SYT1: variants seen among roughly 807,000 people sequenced by gnomAD.
SYT1 encodes synaptotagmin-1.
In SYT1, 8 loss-of-function variants were observed where a neutral mutation model predicts 44.8. The ratio of observed to expected loss-of-function variants is 0.18; its 90% CI spans 0.10 to 0.32. SYT1 has a LOEUF of 0.32. Among genes scored for constraint, SYT1 ranks in the 10% least tolerant of loss-of-function variants. The probability of loss-of-function intolerance (pLI) is 1.00; values close to 1 mark genes in which losing one functional copy is unlikely to be tolerated. For missense variants in SYT1, 286 were observed against 509.3 expected (o/e 0.56, Z 4.22); for synonymous variants, 154 against 188.8 (o/e 0.82, Z 1.51).
chr12:78,951,487 T>C (rs1279026976), intron 1 of SYT1, among the ~76,000 whole-genome samples: 5 of 152,120 alleles, frequency 3.3e-5, no homozygotes, highest in Non-Finnish European at 7.4e-5. Flanking sequence ...TTTTGAGTTA[T>C]AATACAGAAG....
intron 8 of SYT1, among the ~76,000 whole-genome samples, chr12:79,309,881 A>C (rs1880680409): frequency 6.6e-6 from 1 of 151,936 alleles, no homozygotes; most frequent in Non-Finnish European, 1.5e-5. Flanking sequence ...TTTTCTTGTA[A>C]ATTTGTTTGA....
intron 9 of SYT1, among the ~76,000 whole-genome samples, chr12:79,405,938 G>C (rs1428855096): frequency 2.0e-5 from 3 of 152,052 alleles, no homozygotes; most frequent in African/African-American, 7.2e-5. Flanking sequence ...TTATTAACTG[G>C]AGAGTCAAAG....
intron 2 of SYT1, among the ~76,000 whole-genome samples, chr12:78,989,895 C>A (rs539869615): frequency 3.9e-5 from 6 of 152,040 alleles, no homozygotes; most frequent in Non-Finnish European, 8.8e-5. Context: ...CAAAAATACA[C>A]CCACTGTGCA....
intron 3 of SYT1, among the ~76,000 whole-genome samples, chr12:79,101,921 T>C (rs111868055): frequency 1.3e-5 from 2 of 151,754 alleles, no homozygotes; most frequent in South Asian, 2.1e-4. Context: ...ATAAGTAAAA[T>C]TGAAATAAAT....
At chr12:79,250,820 T>C (rs902870318) in intron 4 of SYT1, among the ~76,000 whole-genome samples, 1 of 152,136 alleles carries the variant, frequency 6.6e-6, no homozygotes, top group African/African-American at 2.4e-5. Context: ...AAAGGGCAAA[T>C]TATGTTATCA....
At chr12:79,358,433 T>C (rs1689282359) in intron 9 of SYT1, among the ~76,000 whole-genome samples, 1 of 152,190 alleles carries the variant, frequency 6.6e-6, no homozygotes, top group South Asian at 2.1e-4. Context: ...TCTCATGTGG[T>C]TCTCATGATA....
intron 3 of SYT1, among the ~76,000 whole-genome samples, chr12:79,129,187 T>C (rs1306010409): frequency 1.3e-5 from 2 of 152,216 alleles, no homozygotes; most frequent in African/African-American, 2.4e-5. Flanking sequence ...GCATGACTCA[T>C]AAAGCCTTTG....
At chr12:79,159,532 T>C (rs557666358) in intron 3 of SYT1, among the ~76,000 whole-genome samples, 40 of 152,174 alleles carry the variant, frequency 2.6e-4, no homozygotes, top group Non-Finnish European at 5.4e-4. Flanking sequence ...ATTATTATAA[T>C]TGTTCTATCT....
At chr12:78,970,059 T>C (rs1868338810) in intron 1 of SYT1, among the ~76,000 whole-genome samples, 1 of 152,084 alleles carries the variant, frequency 6.6e-6, no homozygotes, top group African/African-American at 2.4e-5. Context: ...TATCTAAGTA[T>C]AAAGTGGTAA....
intron 9 of SYT1, among the ~76,000 whole-genome samples, chr12:79,434,511 G>A (rs1869977657): frequency 1.3e-5 from 2 of 152,306 alleles, no homozygotes; most frequent in Non-Finnish European, 2.9e-5. Flanking sequence ...TTTGCTCTGT[G>A]AGCCCTATTA....
At chr12:79,064,952 GAAAGA>G (rs888113371) in intron 3 of SYT1, among the ~76,000 whole-genome samples, 2 of 145,960 alleles carry the variant, frequency 1.4e-5, no homozygotes, top group Admixed American at 1.4e-4. Flanking sequence ...AAGAAAGAAA[GAAAGA>G]AAGAAAGAAA....
chr12:79,425,977 CAATTA>C (rs1341279323), intron 9 of SYT1, among the ~76,000 whole-genome samples: 1 of 151,920 alleles, frequency 6.6e-6, no homozygotes, highest in Admixed American at 6.6e-5. Context: ...CTCTCTTATT[CAATTA>C]TTCAATAAAG....
In SYT1 at chr12:79,130,966, A is replaced by G. The variant is rs17005245; in HGVS notation, c.-18+83604A>G. On this transcript the variant is annotated intron_variant, in intron 3 of 10. Coordinates refer to ENST00000261205, the MANE Select transcript of SYT1 (RefSeq NM_005639.3). ...AGTTGAGCATGAGACAGGGCATTGA[A>G]CAGGGATTTGGAAGTAAATTGTAAT... 9.1e-3 allele frequency among the ~76,000 whole-genome samples: 1,393 copies of G among 152,252 alleles called. 27 individuals carry two copies. Among genetic ancestry groups the G allele is most frequent in the African/African-American group, 0.032 (1,327 of 41,544 alleles).
At chr12:79,417,273 G>T (rs566741935) in intron 9 of SYT1, among the ~76,000 whole-genome samples, 9 of 152,242 alleles carry the variant, frequency 5.9e-5, no homozygotes, top group African/African-American at 1.9e-4. Flanking sequence ...GTGGCCAGGT[G>T]GTTGGTTTCT....
chr12:79,050,630 A>G (rs964228798), intron 3 of SYT1, among the ~76,000 whole-genome samples: 6 of 152,052 alleles, frequency 3.9e-5, no homozygotes, highest in African/African-American at 1.4e-4. Context: ...CTGGGAGTTG[A>G]TACACTCACT....
chr12:79,424,551 C>A (rs1869319669), intron 9 of SYT1, among the ~76,000 whole-genome samples: 1 of 152,060 alleles, frequency 6.6e-6, no homozygotes, highest in Non-Finnish European at 1.5e-5. Flanking sequence ...GTATTGATTT[C>A]TCAGCAATGT....
intron 9 of SYT1, among the ~76,000 whole-genome samples, chr12:79,410,506 CAAAAAAAAAAAA>C (rs5799432): frequency 1.3e-5 from 1 of 75,916 alleles, no homozygotes; most frequent in African/African-American, 5.7e-5. Context: ...TGTTCAAAGT[CAAAAAAAAAAAA>C]AAAAAAAAAA....
chr12:79,444,045 TAA>T (rs1489118257), intron 9 of SYT1, 26 bp from the exon 10 acceptor site: 2 of 1,611,064 alleles, frequency 1.2e-6, no homozygotes, highest in East Asian at 4.5e-5. Flanking sequence ...TCTGATCTCC[TAA>T]AGTTTGTTTC....
chr12:79,038,805 CT>C (rs1873314200), intron 2 of SYT1, among the ~76,000 whole-genome samples: 1 of 151,938 alleles, frequency 6.6e-6, no homozygotes, highest in South Asian at 2.1e-4. Flanking sequence ...ACAGTGCCCT[CT>C]TTAAAGCCAA....
Sources: gnomAD v4.1 joint callset for allele counts (sites outside exome capture counted in the v4.1 genomes callset) on GRCh38, gnomAD v4.1.1 for gene constraint, MANE v1.5 for transcripts, NCBI Gene and HGNC (gene_info 2026-07-23, HGNC 2026-07-21) for gene names.